Variants in HYDIN observed in about 807,000 individuals in gnomAD.
HYDIN encodes axonemal central pair apparatus protein HYDIN.
Under a neutral mutation model 403.9 loss-of-function variants are expected in HYDIN, and 132 were observed. The ratio of observed to expected loss-of-function variants is 0.33; its 90% CI spans 0.28 to 0.38. The LOEUF (loss-of-function observed/expected upper bound fraction) is 0.38. Ranked by LOEUF, HYDIN falls within the 10% of genes least tolerant of loss-of-function variation. The probability of loss-of-function intolerance (pLI) is 1.00; values close to 1 mark genes in which losing one functional copy is unlikely to be tolerated. For synonymous variants in HYDIN, 1,202 were observed against 1,891.7 expected, an observed-to-expected ratio of 0.64 and a Z score of 9.46; for missense variants, 2,827 against 5,009.5, an observed-to-expected ratio of 0.56 and a Z score of 13.15.
intron 1 of HYDIN, among the ~76,000 whole-genome samples, chr16:71,205,063 G>A: frequency 6.6e-6 from 1 of 152,218 alleles, no homozygotes; most frequent in East Asian, 1.9e-4. Context: ...TGCCCTTAGG[G>A]CATTTGCTGA....
At chr16:70,830,819 G>A (rs2036928492) in intron 80 of HYDIN, among the ~76,000 whole-genome samples, 1 of 152,104 alleles carries the variant, frequency 6.6e-6, no homozygotes, top group Non-Finnish European at 1.5e-5. Flanking sequence ...GTGAGAGATC[G>A]GGAGCTCAGG....
At chr16:70,875,358 A>G (rs919148492) in intron 62 of HYDIN, among the ~76,000 whole-genome samples, 59 of 152,270 alleles carry the variant, frequency 3.9e-4, no homozygotes, top group Middle Eastern at 6.8e-3. Context: ...GTTGCCTGAT[A>G]GTGTCATGTT....
intron 21 of HYDIN, among the ~76,000 whole-genome samples, chr16:71,021,239 CAG>C (rs1361462748): frequency 6.8e-6 from 1 of 147,888 alleles, no homozygotes; most frequent in African/African-American, 2.5e-5. Flanking sequence ...TTTTTTGAGA[CAG>C]AGTCTTGCTC....
chr16:71,175,876 G>A, intron 4 of HYDIN, 135 bp from the exon 5 acceptor site: 2 of 798,664 alleles, frequency 2.5e-6, no homozygotes, highest in Non-Finnish European at 4.3e-6. Context: ...ACTATAAAAG[G>A]AGATGATAGT....
chr16:70,992,332 A>G, intron 23 of HYDIN, 122 bp from the exon 24 acceptor site: 1 of 1,386,008 alleles, frequency 7.2e-7, no homozygotes, highest in South Asian at 1.6e-5. Context: ...CAGATCTAGT[A>G]GGGACCACCC....
intron 41 of HYDIN, among the ~76,000 whole-genome samples, chr16:70,945,725 C>T (rs1055138731): frequency 6.6e-6 from 1 of 152,104 alleles, no homozygotes; most frequent in Non-Finnish European, 1.5e-5. Flanking sequence ...ACGAAGAAAG[C>T]GTTTCCAAGA....
At position 70,970,807 on chromosome 16, in the gene HYDIN, A is replaced by G. The variant is rs542974645; in HGVS notation, c.5380-48T>C. ...AAGCATCTGAGTTTATTTCCATTAC[A>G]TGTCATGTAAAACAAAACACTGCTG... On this transcript the variant is annotated intron_variant, in intron 35 of 85. Coordinates refer to ENST00000393567, the MANE Select transcript of HYDIN (RefSeq NM_001270974.2). 83 of 1,584,722 alleles carry G rather than the reference A, an allele frequency of 5.2e-5. No homozygotes were observed. In the South Asian group the frequency reaches 9.1e-4, roughly 17 times the overall value.
chr16:71,141,860 C>T (rs1427655251), intron 7 of HYDIN, among the ~76,000 whole-genome samples: 4 of 152,062 alleles, frequency 2.6e-5, no homozygotes, highest in Non-Finnish European at 4.4e-5. Flanking sequence ...AGACACTGTA[C>T]GAAGCTGCTC....
chr16:71,200,377 G>A (rs1380941424), intron 1 of HYDIN, among the ~76,000 whole-genome samples: 1 of 152,102 alleles, frequency 6.6e-6, no homozygotes, highest in African/African-American at 2.4e-5. Flanking sequence ...TCTGGATCGG[G>A]ACCCCTTTCC....
At chr16:71,134,378 A>C (rs1376101034) in intron 8 of HYDIN, among the ~76,000 whole-genome samples, 1 of 152,218 alleles carries the variant, frequency 6.6e-6, no homozygotes, top group Non-Finnish European at 1.5e-5. Flanking sequence ...TTGCTGAAGG[A>C]GGGGGAACAA....
chr16:70,840,966 T>A (rs1004598064), intron 75 of HYDIN, among the ~76,000 whole-genome samples: 2 of 152,200 alleles, frequency 1.3e-5, no homozygotes, highest in African/African-American at 2.4e-5. Context: ...AAATTGATAA[T>A]TGATTTCAAA....
chr16:70,891,331 G>C (rs1381403472), intron 57 of HYDIN, among the ~76,000 whole-genome samples: 4 of 152,114 alleles, frequency 2.6e-5, no homozygotes, highest in African/African-American at 9.7e-5. Flanking sequence ...TGGGATTACA[G>C]GCATGTGCCA....
At chr16:71,021,995 C>A (rs1267971475) in intron 21 of HYDIN, among the ~76,000 whole-genome samples, 1 of 151,674 alleles carries the variant, frequency 6.6e-6, no homozygotes, top group Non-Finnish European at 1.5e-5. Context: ...TGGAGTTTAC[C>A]ATGAGATACC....
Position 70,879,443 on chromosome 16 carries a change from C to G in HYDIN, c.10411G>C (p.Glu3471Gln). ...SRGLVFDIAG[E>Q]GNLPRVTVVR... ...ACCGTCACTCGAGGGAGGTTCCCCT[C>G]ACCAGCGATGTCAAACACGAGGCCT... Residue 3471 changes from glutamate to glutamine, a missense_variant, in exon 62 of 86, where the codon GAG becomes CAG. Physicochemically the swap from Glu to Gln is conservative, Grantham distance 29 (BLOSUM62 2). Coordinates refer to ENST00000393567, the MANE Select transcript of HYDIN (RefSeq NM_001270974.2). The G allele has an allele frequency of 6.2e-7, 1 of 1,612,654 alleles. No individual in the cohort carries two copies.
chr16:71,140,810 C>A (rs918275718), intron 7 of HYDIN, among the ~76,000 whole-genome samples: 1 of 151,994 alleles, frequency 6.6e-6, no homozygotes, highest in African/African-American at 2.4e-5. Context: ...ATAGGCCAAT[C>A]TATAGGCCAA....
chr16:71,139,535 A>G (rs1354951423), intron 7 of HYDIN, among the ~76,000 whole-genome samples: 1 of 152,242 alleles, frequency 6.6e-6, no homozygotes, highest in Admixed American at 6.5e-5. Flanking sequence ...TAGAAAATCA[A>G]TAAGATCTTT....
rs2040897751 is a variant in HYDIN at position 70,882,888 on chromosome 16, C to T, written c.9987G>A (p.Val3329=). 3.2e-6 allele frequency: 5 copies of T among 1,584,652 alleles called. No homozygotes were observed. Among genetic ancestry groups the T allele is most frequent in the Non-Finnish European group, 3.5e-6 (4 of 1,153,578 alleles). The change falls in exon 60 of 86, where the codon GTG becomes GTA. Residue 3329 remains valine, a synonymous_variant. Coordinates refer to ENST00000393567, the MANE Select transcript of HYDIN (RefSeq NM_001270974.2). ...CAAATATCAAGGCATTGTTTTCGGT[C>T]ACGAAGGCTGGGGAGTGAAGGGGAG... ...LLAEACLPAF[V]TENNALIFEE... is the part of the protein sequence containing the mutation.
chr16:71,227,207 A>G (rs1382287614), intron 1 of HYDIN, among the ~76,000 whole-genome samples: 1 of 152,088 alleles, frequency 6.6e-6, no homozygotes, highest in Non-Finnish European at 1.5e-5. Flanking sequence ...ATACAAACAG[A>G]AACTTCACCA....
chr16:70,825,197 T>C (rs1163326629), intron 83 of HYDIN, among the ~76,000 whole-genome samples: 3 of 152,260 alleles, frequency 2.0e-5, no homozygotes, highest in Admixed American at 2.0e-4. Context: ...TGGTATTTAG[T>C]GTTGCCACAA....
Sources: gnomAD v4.1 joint callset for allele counts (sites outside exome capture counted in the v4.1 genomes callset) on GRCh38, gnomAD v4.1.1 for gene constraint, MANE v1.5 for transcripts, NCBI Gene and HGNC (gene_info 2026-07-23, HGNC 2026-07-21) for gene names.